AHI1: variants seen among roughly 807,000 people sequenced by gnomAD.
The protein encoded by AHI1 is Abelson helper integration site 1.
In AHI1, 123 loss-of-function variants were observed where a neutral mutation model predicts 149.3. The ratio of observed to expected loss-of-function variants is 0.82; its 90% CI spans 0.71 to 0.96. The LOEUF (loss-of-function observed/expected upper bound fraction) is 0.96, where lower values mean the gene tolerates loss of function less well. Ranked by LOEUF, AHI1 falls within the 40% of genes least tolerant of loss-of-function variation. The pLI is 0.00. For missense variants in AHI1, 1,439 were observed against 1,422.7 expected (o/e 1.01, Z -0.18); for synonymous variants, 475 against 459.8 (o/e 1.03, Z -0.42).
chr6:135,297,972 T>C (rs1039278005), intron 27 of AHI1, among the ~76,000 whole-genome samples: 1 of 152,146 alleles, frequency 6.6e-6, no homozygotes, highest in Admixed American at 6.5e-5. Context: ...TATGATTAAC[T>C]ATATGAATTA....
intron 23 of AHI1, among the ~76,000 whole-genome samples, chr6:135,385,682 G>T (rs915587214): frequency 2.0e-5 from 3 of 152,198 alleles, no homozygotes; most frequent in African/African-American, 7.2e-5. Flanking sequence ...TATTTGTATG[G>T]GGGAAAACCT....
At chr6:135,296,508 A>C (rs1783113574) in intron 27 of AHI1, among the ~76,000 whole-genome samples, 2 of 151,978 alleles carry the variant, frequency 1.3e-5, no homozygotes, top group South Asian at 4.1e-4. Context: ...TTCTTACTCT[A>C]CTCTAAAAAG....
intron 5 of AHI1, among the ~76,000 whole-genome samples, chr6:135,481,615 TAAG>T (rs1793655849): frequency 6.6e-6 from 1 of 151,758 alleles, no homozygotes; most frequent in Non-Finnish European, 1.5e-5. Context: ...AAGAGATTTT[TAAG>T]TAAGAGAAAA....
At chr6:135,327,942 T>C (rs1787956665) in intron 24 of AHI1, among the ~76,000 whole-genome samples, 1 of 152,240 alleles carries the variant, frequency 6.6e-6, no homozygotes, top group South Asian at 2.1e-4. Flanking sequence ...ACATGCCTTG[T>C]AATAAATCAG....
chr6:135,393,112 GA>G (rs1276296325), intron 23 of AHI1, among the ~76,000 whole-genome samples: 1 of 152,164 alleles, frequency 6.6e-6, no homozygotes, highest in East Asian at 1.9e-4. Flanking sequence ...CATGGCCATG[GA>G]AACTGAAGCG....
chr6:135,376,921 A>AAAAAAAAATG (rs1776025303), intron 23 of AHI1, among the ~76,000 whole-genome samples: 1 of 128,690 alleles, frequency 7.8e-6, no homozygotes, highest in African/African-American at 2.9e-5. Context: ...AAAAAAAAAA[A>AAAAAAAAATG]GTTGGTCCAG....
chr6:135,465,728 T>C, intron 7 of AHI1, 86 bp downstream of exon 7: 1 of 1,159,324 alleles, frequency 8.6e-7, no homozygotes, highest in Non-Finnish European at 1.1e-6. Flanking sequence ...AAGAATTTTC[T>C]TTGTTAAACC....
At chr6:135,319,184 G>A (rs1042182391) in intron 25 of AHI1, among the ~76,000 whole-genome samples, 13 of 152,198 alleles carry the variant, frequency 8.5e-5, no homozygotes, top group Admixed American at 3.9e-4. Context: ...TCAGAGGTAC[G>A]CAGAAAAACT....
chr6:135,358,853 T>C (rs1270759487), intron 23 of AHI1, among the ~76,000 whole-genome samples: 2 of 152,266 alleles, frequency 1.3e-5, no homozygotes, highest in Non-Finnish European at 2.9e-5. Flanking sequence ...GGATCTCATC[T>C]GTAAAGATAC....
intron 23 of AHI1, among the ~76,000 whole-genome samples, chr6:135,368,821 T>C (rs1774594034): frequency 6.6e-6 from 1 of 152,216 alleles, no homozygotes; most frequent in African/African-American, 2.4e-5. Flanking sequence ...GCTACAAGCC[T>C]CCCTTCTGAG....
chr6:135,351,135 C>CAAAAAAAAAAAAAAAAAAAAAAAAAAA (rs1183574427), intron 24 of AHI1, among the ~76,000 whole-genome samples: 4 of 131,368 alleles, frequency 3.0e-5, no homozygotes, highest in African/African-American at 1.3e-4. Flanking sequence ...AAACAAAAAA[C>CAAAAAAAAAAAAAAAAAAAAAAAAAAA]AAAAAAAACA....
Position 135,442,530 on chromosome 6 carries a change from A to G in AHI1, c.1912+52T>C, listed in dbSNP as rs905807414. 5 of 1,507,832 alleles carry G rather than the reference A, an allele frequency of 3.3e-6. No homozygotes were observed. The South Asian group carries it at 5.5e-5, about 16-fold the overall frequency. The allele number at this position is 1,507,832 out of a possible 1,614,324, so 93.4% of individuals were successfully genotyped here. A position where few individuals can be genotyped will look rare whatever the true frequency, so the allele number is the denominator to read the frequency against. ...TCCATGAATTTAAAAAAACTAAAGA[A>G]TGTCCTCCACGTGGACTACAATCAG... On this transcript the variant is annotated intron_variant, in intron 14 of 28. Coordinates refer to ENST00000265602, the MANE Select transcript of AHI1 (RefSeq NM_001134831.2).
intron 24 of AHI1, among the ~76,000 whole-genome samples, chr6:135,348,911 A>C (rs569710186): frequency 6.6e-6 from 1 of 152,226 alleles, no homozygotes; most frequent in African/African-American, 2.4e-5. Context: ...TAAGGCAGAC[A>C]CTATTATCAT....
intron 23 of AHI1, among the ~76,000 whole-genome samples, chr6:135,363,937 G>T (rs1397691737): frequency 6.9e-6 from 1 of 144,406 alleles, no homozygotes; most frequent in Non-Finnish European, 1.5e-5. Flanking sequence ...CTGGCCGGGC[G>T]GGGGGCTGAC....
chr6:135,342,832 T>C (rs1284639708), intron 24 of AHI1, among the ~76,000 whole-genome samples: 1 of 151,710 alleles, frequency 6.6e-6, no homozygotes, highest in Non-Finnish European at 1.5e-5. Flanking sequence ...GCATAGCTAA[T>C]TTCATAATTA....
intron 24 of AHI1, among the ~76,000 whole-genome samples, chr6:135,344,283 T>C (rs1363709810): frequency 1.3e-5 from 2 of 151,818 alleles, no homozygotes; most frequent in African/African-American, 2.4e-5. Context: ...TAAATGTATC[T>C]AGTAAGAGAC....
chr6:135,457,700 A>G lies in AHI1; in HGVS notation c.945T>C (p.Asn315=), dbSNP rs1277444120. The part of the protein sequence containing the change: ...KKKTKAVADN[N]EDVDGDGVHE... The stretch of plus-strand genomic sequence containing the variant: ...GAACACCATCACCATCAACATCTTC[A>G]TTATTATCTGCAACTACACGCATGG... Residue 315 remains asparagine (N), a synonymous_variant, in exon 9 of 29, where the codon AAT becomes AAC. Transcript: ENST00000265602. 1.2e-6 allele frequency: 2 copies of G among 1,613,856 alleles called. No individual in the cohort carries two copies. The highest frequency in any genetic ancestry group is 4.5e-5 in the East Asian group (2 of 44,850).
chr6:135,323,938 T>C (rs1787260103), intron 24 of AHI1, among the ~76,000 whole-genome samples: 1 of 152,268 alleles, frequency 6.6e-6, no homozygotes, highest in African/African-American at 2.4e-5. Flanking sequence ...GAGAATCCTC[T>C]TCTTTGTGTT....
chr6:135,399,028 T>A (rs959775665), intron 22 of AHI1, among the ~76,000 whole-genome samples: 2 of 151,694 alleles, frequency 1.3e-5, no homozygotes, highest in Admixed American at 6.6e-5. Context: ...TACAAAAAAA[T>A]AAAAAATTAG....
Sources: allele counts gnomAD v4.1 joint callset (sites outside exome capture counted in the v4.1 genomes callset), GRCh38; gene constraint gnomAD v4.1.1; transcripts MANE v1.5; gene names NCBI Gene and HGNC (gene_info 2026-07-23, HGNC 2026-07-21).